The following TTC17 variants were observed in gnomAD, a reference collection of about 807,000 sequenced individuals.
The protein encoded by TTC17 is tetratricopeptide repeat protein 17.
Under a neutral mutation model 143.8 loss-of-function variants are expected in TTC17, and 58 were observed. The observed-to-expected ratio is 0.40, with a 90% CI of 0.33 to 0.50. TTC17 has a LOEUF of 0.50. TTC17 is among the 20% of genes least tolerant of loss of function. TTC17 has a pLI of 0.49. For synonymous variants in TTC17, 501 were observed against 497.8 expected (o/e 1.01, Z -0.09); for missense variants, 1,273 against 1,392.5 (o/e 0.91, Z 1.37).
At chr11:43,389,565 C>A in intron 2 of TTC17, 87 bp from the exon 3 acceptor site, 2 of 1,359,360 alleles carry the variant, frequency 1.5e-6, no homozygotes, top group South Asian at 1.6e-5. Context: ...ATTCTGACTT[C>A]TTCAGCTCAG....
intron 16 of TTC17, among the ~76,000 whole-genome samples, chr11:43,420,472 G>T (rs1019398817): frequency 6.6e-6 from 1 of 152,102 alleles, no homozygotes; most frequent in Admixed American, 6.6e-5. Context: ...ACCTAAAATG[G>T]TCTCTCAGTT....
At chr11:43,471,922 A>G (rs1948100408) in intron 21 of TTC17, among the ~76,000 whole-genome samples, 1 of 152,236 alleles carries the variant, frequency 6.6e-6, no homozygotes, top group South Asian at 2.1e-4. Context: ...AACCTAATAT[A>G]TCAGTAAGCA....
rs1470667957 is a variant in TTC17 at position 43,401,576 on chromosome 11, G to A, written c.1332+18G>A. The A allele has an allele frequency of 6.6e-7, 1 of 1,521,072 alleles. No homozygotes were observed. The highest frequency in any genetic ancestry group is 2.0e-5 in the Admixed American group (1 of 49,458). 94.2% of individuals were successfully genotyped at this position (1,521,072 alleles called of 1,614,324 possible). A position where few individuals can be genotyped will look rare whatever the true frequency, so the allele number is the denominator to read the frequency against. On this transcript the variant is annotated intron_variant, in intron 10 of 23. Coordinates refer to ENST00000039989, the MANE Select transcript of TTC17 (RefSeq NM_018259.6). ...ATGTTCAGGTCTTTTTCTTGGTCCA[G>A]TCTAATTCTTATAAACGTTTGCTTT...
chr11:43,465,881 C>A (rs1454826979), intron 21 of TTC17, among the ~76,000 whole-genome samples: 2 of 152,120 alleles, frequency 1.3e-5, no homozygotes, highest in Non-Finnish European at 2.9e-5. Flanking sequence ...ATATGTATTT[C>A]TTGGATATGA....
chr11:43,385,506 C>G (rs1857136184), intron 2 of TTC17: 1 of 151,962 alleles, frequency 6.6e-6, no homozygotes, highest in South Asian at 2.1e-4. Flanking sequence ...AAACTTTAGA[C>G]TATGGTGGGA....
chr11:43,461,265 T>TC (rs1010806654), intron 21 of TTC17, among the ~76,000 whole-genome samples: 1 of 151,574 alleles, frequency 6.6e-6, no homozygotes, highest in Non-Finnish European at 1.5e-5. Flanking sequence ...GCGCCTGTAG[T>TC]CCCGGCTACT....
chr11:43,488,895 C>T (rs765029273), intron 21 of TTC17, among the ~76,000 whole-genome samples: 2 of 152,080 alleles, frequency 1.3e-5, no homozygotes, highest in Non-Finnish European at 2.9e-5. Flanking sequence ...GAGACAGGAT[C>T]TTGCTGTGTT....
chr11:43,450,583 C>T (rs1470432416), intron 20 of TTC17, among the ~76,000 whole-genome samples: 1 of 151,984 alleles, frequency 6.6e-6, no homozygotes, highest in Non-Finnish European at 1.5e-5. Context: ...GAAAGCAGAC[C>T]CAATATATAC....
At position 43,359,049 on chromosome 11, in the gene TTC17, C is replaced by A; in HGVS notation, c.95C>A (p.Ala32Glu). Residue 32 changes from alanine (A) to glutamate (E), a missense_variant, in exon 1 of 24, where the codon GCG becomes GAG. Transcript: ENST00000039989. The part of the protein sequence containing the change: ...LLSLSALLSV[A>E]ARGAFATTHW... ...AGCCTTTCCGCCTTGCTGAGTGTGG[C>A]GGCACGAGGGGCCTTCGCCACCACG... 6.3e-7 allele frequency: 1 copy of A among 1,590,970 alleles called. No individual in the cohort carries two copies.
chr11:43,442,622 CAA>C (rs768085833), intron 16 of TTC17, among the ~76,000 whole-genome samples: 1 of 152,136 alleles, frequency 6.6e-6, no homozygotes, highest in Non-Finnish European at 1.5e-5. Flanking sequence ...GAGGAGAACT[CAA>C]GAGGGCTGTG....
intron 21 of TTC17, among the ~76,000 whole-genome samples, chr11:43,469,707 G>A (rs1948053496): frequency 6.6e-6 from 1 of 152,288 alleles, no homozygotes; most frequent in Non-Finnish European, 1.5e-5. Flanking sequence ...GTATTGACTG[G>A]AATACCGCAT....
chr11:43,360,348 A>ATACT (rs1270243638), intron 1 of TTC17, among the ~76,000 whole-genome samples: 1 of 152,230 alleles, frequency 6.6e-6, no homozygotes, highest in African/African-American at 2.4e-5. Flanking sequence ...TTTCATTGCC[A>ATACT]TACTATCTGA....
Position 43,366,050 on chromosome 11 carries a change from G to A in TTC17, c.159+6937G>A, listed in dbSNP as rs866403261. Among the ~76,000 whole-genome samples the A allele has an allele frequency of 1.1e-4, 16 of 150,392 alleles. No homozygotes were observed. The South Asian group carries it at 1.3e-3, about 12-fold the overall frequency. On this transcript the variant is annotated intron_variant, in intron 1 of 23. Transcript: ENST00000039989. ...GGCTGTAGTGCAGTGGCGCAATCTC[G>A]GCTCACTACAACCTCCGCCTCCCAG... is the stretch of plus-strand genomic sequence containing the variant.
chr11:43,392,808 A>G (rs147332882), intron 5 of TTC17, among the ~76,000 whole-genome samples: 1 of 152,348 alleles, frequency 6.6e-6, no homozygotes, highest in East Asian at 1.9e-4. Context: ...AGAGTAGACC[A>G]TAGTGGTAAG....
chr11:43,408,404 A>G (rs1346810492), intron 15 of TTC17, among the ~76,000 whole-genome samples: 1 of 152,224 alleles, frequency 6.6e-6, no homozygotes, highest in Non-Finnish European at 1.5e-5. Flanking sequence ...TACAATCTCA[A>G]TATTATGTAA....
At chr11:43,488,285 A>G (rs545953702) in intron 21 of TTC17, among the ~76,000 whole-genome samples, 2 of 152,338 alleles carry the variant, frequency 1.3e-5, no homozygotes, top group East Asian at 1.9e-4. Flanking sequence ...ATGTAGAATT[A>G]TAAAATTAAC....
Position 43,407,414 on chromosome 11 carries a change from A to G in TTC17, c.1901A>G (p.Asn634Ser). ...EAGLYWRAVG[N>S]STFAIACLQR... ...GGACTATACTGGAGAGCAGTAGGAA[A>G]TAGCACTTTTGCTATTGCCTGTCTT... The change falls in exon 15 of 24, where the codon AAT becomes AGT. Residue 634 changes from asparagine (N) to serine (S), a missense_variant. Coordinates refer to ENST00000039989, the MANE Select transcript of TTC17 (RefSeq NM_018259.6). 1 of 1,614,022 alleles carries G rather than the reference A, an allele frequency of 6.2e-7. No homozygotes were observed. The highest frequency in any genetic ancestry group is 8.5e-7 in the Non-Finnish European group (1 of 1,179,980).
intron 18 of TTC17, chr11:43,446,544 A>AT (rs1428013280): frequency 6.1e-5 from 38 of 626,174 alleles, no homozygotes; most frequent in East Asian, 1.4e-4. Context: ...GAAAATTAAG[A>AT]TTTTTTGTGA....
At chr11:43,401,725 TCTCA>T (rs1857863889) in intron 10 of TTC17, 167 bp downstream of exon 10, 1 of 527,852 alleles carries the variant, frequency 1.9e-6, no homozygotes, top group Admixed American at 3.6e-5. Context: ...ACGCCTGTAA[TCTCA>T]GCACTTAGGG....
Sources: gnomAD v4.1 joint callset for allele counts (sites outside exome capture counted in the v4.1 genomes callset) on GRCh38, gnomAD v4.1.1 for gene constraint, MANE v1.5 for transcripts, NCBI Gene and HGNC (gene_info 2026-07-23, HGNC 2026-07-21) for gene names.